The following ESR1 variants were observed in gnomAD, a reference collection of about 807,000 sequenced individuals.
The protein encoded by ESR1 is estrogen receptor 1.
In ESR1, 12 loss-of-function variants were observed where a neutral mutation model predicts 52.7. The ratio of observed to expected loss-of-function variants is 0.23; its 90% CI spans 0.15 to 0.37. The LOEUF is 0.37. Ranked by LOEUF, ESR1 falls within the 10% of genes least tolerant of loss-of-function variation. ESR1 has a pLI of 1.00. For synonymous variants in ESR1, 305 were observed against 316.8 expected (o/e 0.96, Z 0.39); for missense variants, 584 against 779.7 (o/e 0.75, Z 2.99).
chr6:151,990,282 A>G (rs1258388011), intron 4 of ESR1, among the ~76,000 whole-genome samples: 1 of 151,968 alleles, frequency 6.6e-6, no homozygotes, highest in Non-Finnish European at 1.5e-5. Flanking sequence ...GAAAGGAGAG[A>G]AACATATCTG....
In ESR1 at chr6:151,776,174, C is replaced by T. The variant is rs1785971869; in HGVS notation, c.-70-31669C>T. Among the ~76,000 whole-genome samples the T allele has an allele frequency of 1.3e-5, 2 of 152,086 alleles. 1 individual carries two copies. The highest frequency in any genetic ancestry group is 4.2e-4 in the South Asian group (2 of 4,816). ...TCTGAAAGCAGGAGTCAGAAACATC[C>T]ATTGGAGGCCTGGAGAACATAAATG... On this transcript the variant is annotated intron_variant, in intron 2 of 2. Transcript: ENST00000404742.
At chr6:151,933,786 T>A (rs2034008242) in intron 3 of ESR1, among the ~76,000 whole-genome samples, 2 of 152,192 alleles carry the variant, frequency 1.3e-5, no homozygotes, top group South Asian at 2.1e-4. Context: ...ACATTCCACA[T>A]CCAATCCATC....
chr6:151,765,444 A>G (rs1005393772), intron 2 of ESR1, among the ~76,000 whole-genome samples: 1 of 152,258 alleles, frequency 6.6e-6, no homozygotes, highest in Non-Finnish European at 1.5e-5. Context: ...TCATAGCCAC[A>G]TGAAAGCTGT....
chr6:151,856,287 A>G lies in ESR1; in HGVS notation c.643+13500A>G, dbSNP rs191733924. The stretch of plus-strand genomic sequence containing the variant: ...ATACTTTTTATTATGATATGAAGGG[A>G]AACAACTAGTCCCAAGCTACAATTT... On this transcript the variant is annotated intron_variant, in intron 2 of 7. Transcript: ENST00000206249. Among the ~76,000 whole-genome samples, 1,484 of 152,290 alleles carry G rather than the reference A, an allele frequency of 9.7e-3. 28 individuals carry two copies. The highest frequency in any genetic ancestry group is 0.035 in the African/African-American group (1,436 of 41,546).
At position 151,681,065 on chromosome 6, in the gene ESR1, C is replaced by T. The variant is rs981443226; in HGVS notation, n.74-20810C>T. On this transcript the variant is annotated intron_variant and non_coding_transcript_variant, in intron 1 of 2. Coordinates refer to the ESR1 transcript ENST00000473497. ...CCTGCCAGCTGCCTGGGATGGCTGC[C>T]GGGCACGTCCTTGTTCCTGCTCAGT... Among the ~76,000 whole-genome samples, 5 of 152,120 alleles carry T rather than the reference C, an allele frequency of 3.3e-5. No individual in the cohort carries two copies. In the South Asian group the frequency reaches 6.2e-4, roughly 19 times the overall value.
chr6:151,811,590 G>A (rs1375866952), intron 1 of ESR1, among the ~76,000 whole-genome samples: 1 of 152,056 alleles, frequency 6.6e-6, no homozygotes, highest in Admixed American at 6.5e-5. Context: ...TTTTCCACTG[G>A]TGATCATTTG....
chr6:151,977,963 GA>G (rs5880951), intron 4 of ESR1, among the ~76,000 whole-genome samples: 52,306 of 118,744 alleles, frequency 0.44, 8,182 homozygotes, highest in African/African-American at 0.5. Flanking sequence ...AAAAAAAAAA[GA>G]AAAAAAAAAA....
intron 6 of ESR1, among the ~76,000 whole-genome samples, chr6:152,079,002 C>A (rs1238809598): frequency 6.6e-6 from 1 of 152,226 alleles, no homozygotes; most frequent in Middle Eastern, 3.2e-3. Flanking sequence ...GCAGAGCCCA[C>A]CTCAGCTCAG....
Position 151,736,375 on chromosome 6 carries a change from G to GTTCTTTTTTT in ESR1, c.-71+34372_-71+34373insCTTTTTTTTT, listed in dbSNP as rs748276035. The stretch of plus-strand genomic sequence containing the variant: ...AAATACTTACTGTATTCCAGGTAGT[G>GTTCTTTTTTT]TTTTTTTTTTTTTTTGAGATGGAGT... On this transcript the variant is annotated intron_variant, in intron 2 of 2. Transcript: ENST00000404742. Among the ~76,000 whole-genome samples the GTTCTTTTTTT allele has an allele frequency of 2.3e-3, 264 of 112,698 alleles. 16 individuals carry two copies. The highest frequency in any genetic ancestry group is 0.014 in the East Asian group (62 of 4,478). The allele number at this position is 112,698 out of a possible 152,430, so 73.9% of individuals were successfully genotyped here.
chr6:151,729,836 CT>C (rs1224173711), intron 2 of ESR1, among the ~76,000 whole-genome samples: 1 of 152,084 alleles, frequency 6.6e-6, no homozygotes, highest in Non-Finnish European at 1.5e-5. Flanking sequence ...ATCTGTAATC[CT>C]AGCATTTTGG....
chr6:152,055,150 A>G (rs1026276709), intron 5 of ESR1, among the ~76,000 whole-genome samples: 5 of 152,068 alleles, frequency 3.3e-5, no homozygotes, highest in Non-Finnish European at 7.4e-5. Flanking sequence ...TGAACTTGGG[A>G]GTGCAGATAT....
upstream of ESR1, chr6:151,805,945 T>C (rs1777771832): frequency 6.6e-6 from 1 of 152,232 alleles, no homozygotes; most frequent in Non-Finnish European, 1.5e-5. Context: ...GGTATGTGTG[T>C]GTCTCCTTTT....
intron 2 of ESR1, among the ~76,000 whole-genome samples, chr6:151,859,992 A>T (rs1173052597): frequency 2.6e-5 from 4 of 152,108 alleles, no homozygotes; most frequent in Non-Finnish European, 4.4e-5. Context: ...TGGCATCATT[A>T]CCTCTTGTTG....
rs560478313 is a variant in ESR1 at position 151,893,734 on chromosome 6, G to T, written c.760+12963G>T. Among the ~76,000 whole-genome samples the T allele has an allele frequency of 5.3e-5, 8 of 152,192 alleles. No individual in the cohort carries two copies. In the South Asian group the frequency reaches 1.7e-3, roughly 32 times the overall value. On this transcript the variant is annotated intron_variant, in intron 3 of 7. Transcript: ENST00000206249. The stretch of plus-strand genomic sequence containing the variant: ...TATTTTGGACCAGCCAGATTTTAGT[G>T]CTCATTTGACCATGTGATCTGTGCT...
chr6:152,088,037 T>C (rs1226473879), intron 6 of ESR1, among the ~76,000 whole-genome samples: 2 of 152,182 alleles, frequency 1.3e-5, no homozygotes, highest in East Asian at 1.9e-4. Context: ...AACATACATA[T>C]TCCTTTGACT....
chr6:151,846,825 T>C (rs878973210), intron 2 of ESR1, among the ~76,000 whole-genome samples: 1 of 152,198 alleles, frequency 6.6e-6, no homozygotes, highest in Non-Finnish European at 1.5e-5. Context: ...ATAGAAGTAG[T>C]GTTCCTTAAG....
chr6:151,940,840 C>T (rs972007641), intron 3 of ESR1, among the ~76,000 whole-genome samples: 4 of 152,138 alleles, frequency 2.6e-5, no homozygotes, highest in Admixed American at 6.5e-5. Flanking sequence ...CTGCATCTTC[C>T]GTGAATATAC....
intron 3 of ESR1, among the ~76,000 whole-genome samples, chr6:151,914,657 T>C (rs780165541): frequency 1.3e-5 from 2 of 152,224 alleles, no homozygotes; most frequent in Non-Finnish European, 2.9e-5. Flanking sequence ...TGCTAATCTT[T>C]TGTCAGTCCC....
At position 152,124,304 on chromosome 6, in the gene ESR1, A is replaced by G. The variant is rs537119984; in HGVS notation, c.851-962A>G. ...ATCCTGGGCAACAGAGCGAGACTCT[A>G]TCTCAAAAACAGATATTGGTTCTGC... On this transcript the variant is annotated intron_variant, in intron 6 of 6. Transcript: ENST00000427531. Among the ~76,000 whole-genome samples, 631 of 143,814 alleles carry G rather than the reference A, an allele frequency of 4.4e-3. 4 individuals are homozygous for G. Among genetic ancestry groups the G allele is most frequent in the African/African-American group, 0.016 (612 of 38,056 alleles). 94.3% of individuals were successfully genotyped at this position (143,814 alleles called of 152,430 possible). A position where few individuals can be genotyped will look rare whatever the true frequency, so the allele number is the denominator to read the frequency against.
Sources: gnomAD v4.1 joint callset for allele counts (sites outside exome capture counted in the v4.1 genomes callset) on GRCh38, gnomAD v4.1.1 for gene constraint, MANE v1.5 for transcripts, NCBI Gene and HGNC (gene_info 2026-07-23, HGNC 2026-07-21) for gene names.